Variants in PRKCB observed in about 807,000 individuals in gnomAD.
PRKCB encodes the protein protein kinase C beta type.
Under a neutral mutation model 81.5 loss-of-function variants are expected in PRKCB, and 13 were observed. That is an observed-to-expected ratio of 0.16 (90% confidence interval 0.10 to 0.25). PRKCB has a LOEUF of 0.25. Among genes scored for constraint, PRKCB ranks in the 10% least tolerant of loss-of-function variants. The pLI, the probability that PRKCB is intolerant of heterozygous loss-of-function variation, is 1.00. For missense variants in PRKCB, 509 were observed against 875.7 expected (o/e 0.58, Z 5.29); for synonymous variants, 335 against 321.4 (o/e 1.04, Z -0.45).
chr16:23,862,130 C>T (rs968393431), intron 2 of PRKCB, among the ~76,000 whole-genome samples: 1 of 152,174 alleles, frequency 6.6e-6, no homozygotes, highest in African/African-American at 2.4e-5. Flanking sequence ...AAGTGTTGTG[C>T]TGTGGAGACT....
At chr16:23,915,689 CAAAAAAA>C (rs71154259) in intron 2 of PRKCB, among the ~76,000 whole-genome samples, 19 of 54,546 alleles carry the variant, frequency 3.5e-4, no homozygotes, top group Admixed American at 6.4e-4. Flanking sequence ...GACTCTCTAT[CAAAAAAA>C]AAAAAAAAAA....
rs1968273073 is a variant in PRKCB at position 24,218,791 on chromosome 16, A to C, written c.*3975A>C. 3.0e-6 allele frequency: 3 copies of C among 985,308 alleles called. No homozygotes were observed. In the Admixed American group the frequency reaches 1.8e-4, roughly 61 times the overall value. The allele number at this position is 985,308 out of a possible 1,614,324, so 61.0% of individuals were successfully genotyped here. On this transcript the variant is annotated 3_prime_UTR_variant, in exon 17 of 17. Coordinates refer to ENST00000643927, the MANE Select transcript of PRKCB (RefSeq NM_002738.7). ...AGGCAACTTTGGCTGCAGCCCGGGA[A>C]TGTGCAGGGCACTAGGGAATACAAG... is the stretch of plus-strand genomic sequence containing the variant.
rs529699418 is a variant in PRKCB, at chr16:24,189,769, G to A, written c.1723-1321G>A. ...TGTGTGAGACCACAAATTATCTTGCGAGGGGGCAACAGGCTGAGTGACTGT... is the reference window on the plus strand; with the variant it reads ...TGTGTGAGACCACAAATTATCTTGCAAGGGGGCAACAGGCTGAGTGACTGT... On this transcript the variant is annotated intron_variant, in intron 15 of 16. Coordinates refer to ENST00000643927, the MANE Select transcript of PRKCB (RefSeq NM_002738.7). 3.9e-5 allele frequency among the ~76,000 whole-genome samples: 6 copies of A among 152,188 alleles called. No homozygotes were observed. In the South Asian group the frequency reaches 8.3e-4, roughly 21 times the overall value.
intron 7 of PRKCB, among the ~76,000 whole-genome samples, chr16:24,108,008 G>GTC (rs1451128823): frequency 6.6e-6 from 1 of 152,140 alleles, no homozygotes; most frequent in African/African-American, 2.4e-5. Flanking sequence ...AATCTCAGAG[G>GTC]TCTCTGATAT....
chr16:23,963,348 G>A (rs1231694143), intron 2 of PRKCB: 3 of 152,220 alleles, frequency 2.0e-5, no homozygotes, highest in African/African-American at 7.2e-5. Flanking sequence ...CGTTCAATCA[G>A]TGCCAATGAT....
chr16:24,211,606 T>G (rs923078924), intron 16 of PRKCB, among the ~76,000 whole-genome samples: 2 of 150,546 alleles, frequency 1.3e-5, no homozygotes, highest in African/African-American at 4.9e-5. Flanking sequence ...TTGCCCAGGC[T>G]GGAGTGCAAT....
intron 5 of PRKCB, among the ~76,000 whole-genome samples, chr16:24,067,290 C>T (rs558653810): frequency 9.9e-5 from 15 of 151,974 alleles, no homozygotes; most frequent in Non-Finnish European, 1.9e-4. Flanking sequence ...CATGGATCTG[C>T]CCTCTTGTCT....
intron 9 of PRKCB, among the ~76,000 whole-genome samples, chr16:24,147,256 C>T (rs911124048): frequency 4.8e-5 from 7 of 146,720 alleles, no homozygotes; most frequent in Admixed American, 2.1e-4. Context: ...TGCAGTGAGC[C>T]GAGATCGCAC....
Position 24,219,887 on chromosome 16 carries a change from C to T in PRKCB, c.*5071C>T. The T allele has an allele frequency of 6.5e-7, 1 of 1,544,536 alleles. No homozygotes were observed. The highest frequency in any genetic ancestry group is 1.2e-5 in the South Asian group (1 of 81,442). ...CTGCTCATGAGATGGTATCAGCCAC[C>T]CAATGACTGGCGTATCTTGGTCCTG... is the stretch of plus-strand genomic sequence containing the variant. On this transcript the variant is annotated 3_prime_UTR_variant, in exon 17 of 17. Coordinates refer to ENST00000643927, the MANE Select transcript of PRKCB (RefSeq NM_002738.7).
intron 9 of PRKCB, among the ~76,000 whole-genome samples, chr16:24,139,906 C>G (rs917797977): frequency 3.3e-5 from 5 of 152,170 alleles, no homozygotes; most frequent in African/African-American, 1.2e-4. Context: ...GCAGTCCTAC[C>G]TACATCCACA....
Position 24,166,311 on chromosome 16 carries a change from A to C in PRKCB, c.1240-5959A>C, listed in dbSNP as rs144542100. 4.4e-3 allele frequency among the ~76,000 whole-genome samples: 663 copies of C among 152,338 alleles called. 1 individual carries two copies. The highest frequency in any genetic ancestry group is 7.8e-3 in the Admixed American group (120 of 15,304). On this transcript the variant is annotated intron_variant, in intron 10 of 16. Transcript: ENST00000643927. ...TTAATAAAAATATTTTTAAAAAATAAGTCAATTTTAGTAGAGGAGGCAGAG... is the reference window on the plus strand; with the variant it reads ...TTAATAAAAATATTTTTAAAAAATACGTCAATTTTAGTAGAGGAGGCAGAG...
At chr16:24,207,492 G>C (rs905772890) in intron 16 of PRKCB, among the ~76,000 whole-genome samples, 2 of 152,136 alleles carry the variant, frequency 1.3e-5, no homozygotes, top group Non-Finnish European at 2.9e-5. Flanking sequence ...GTATACATTT[G>C]TGTATATAAT....
At chr16:24,173,865 T>G (rs1360177459) in intron 11 of PRKCB, among the ~76,000 whole-genome samples, 1 of 152,238 alleles carries the variant, frequency 6.6e-6, no homozygotes, top group East Asian at 1.9e-4. Flanking sequence ...GAGATACTAG[T>G]AGGACCTACC....
At chr16:23,981,015 A>G (rs1964693640) in intron 2 of PRKCB, among the ~76,000 whole-genome samples, 1 of 151,878 alleles carries the variant, frequency 6.6e-6, no homozygotes, top group South Asian at 2.1e-4. Flanking sequence ...GGGATTAACC[A>G]GGCGTTTCTT....
intron 2 of PRKCB, among the ~76,000 whole-genome samples, chr16:23,866,050 A>T (rs1360927894): frequency 8.0e-6 from 1 of 124,240 alleles, no homozygotes; most frequent in Non-Finnish European, 1.7e-5. Context: ...TAAGTGAAAG[A>T]AAGTAGGATA....
At chr16:23,939,471 C>G (rs572740337) in intron 2 of PRKCB, among the ~76,000 whole-genome samples, 1 of 152,104 alleles carries the variant, frequency 6.6e-6, no homozygotes, top group Non-Finnish European at 1.5e-5. Flanking sequence ...ATCAGTCTAC[C>G]GTAGTCAAGA....
chr16:23,929,428 T>C (rs894185727), intron 2 of PRKCB, among the ~76,000 whole-genome samples: 2 of 152,106 alleles, frequency 1.3e-5, no homozygotes, highest in African/African-American at 4.8e-5. Context: ...CTTAGGCAGA[T>C]TATTAACCTC....
chr16:24,020,259 A>T (rs1965341038), intron 3 of PRKCB, among the ~76,000 whole-genome samples: 1 of 152,212 alleles, frequency 6.6e-6, no homozygotes, highest in African/African-American at 2.4e-5. Flanking sequence ...ATGAGTTCAC[A>T]CTCTTAGTTT....
Position 24,102,445 on chromosome 16 carries a change from A to G in PRKCB, c.821+8148A>G, listed in dbSNP as rs1020299078. Among the ~76,000 whole-genome samples the G allele has an allele frequency of 2.0e-5, 3 of 152,326 alleles. No homozygotes were observed. The East Asian group carries it at 5.8e-4, about 29-fold the overall frequency. ...TTTGAACATTATGTGATCTTGAGCA[A>G]GTCTCACACCCTTTCTGAAACTCAG... On this transcript the variant is annotated intron_variant, in intron 7 of 16. Transcript: ENST00000643927.
Sources: allele counts gnomAD v4.1 joint callset (sites outside exome capture counted in the v4.1 genomes callset), GRCh38; gene constraint gnomAD v4.1.1; transcripts MANE v1.5; gene names NCBI Gene and HGNC (gene_info 2026-07-23, HGNC 2026-07-21).